GET4: variants seen among roughly 807,000 people sequenced by gnomAD.
GET4 encodes Golgi to ER traffic protein 4 homolog.
GET4 carries 20 observed loss-of-function variants against 40.0 expected under a neutral mutation model. The observed-to-expected ratio is 0.50, with a 90% CI of 0.35 to 0.73. GET4 has a LOEUF of 0.73. GET4 is among the 30% of genes least tolerant of loss of function. The pLI is 0.01. For synonymous variants in GET4, 280 were observed against 194.6 expected (o/e 1.44, Z -3.65); for missense variants, 557 against 454.0 (o/e 1.23, Z -2.06).
chr7:889,525 C>T (rs2128628602), intron 4 of GET4, among the ~76,000 whole-genome samples: 1 of 152,180 alleles, frequency 6.6e-6, no homozygotes, highest in South Asian at 2.1e-4. Flanking sequence ...CTGGAGGCTC[C>T]TGTTGGGCAG....
chr7:882,758 C>A (rs894000467), intron 1 of GET4: 6 of 152,476 alleles, frequency 3.9e-5, no homozygotes, highest in African/African-American at 7.2e-5. Flanking sequence ...GGAGTCATCT[C>A]CCAGGCCAAC....
intron 1 of GET4, among the ~76,000 whole-genome samples, chr7:878,779 C>A (rs1268057772): frequency 2.0e-5 from 3 of 152,156 alleles, no homozygotes; most frequent in Admixed American, 6.5e-5. Context: ...CGGGGTTTCA[C>A]CATGTTGGCC....
intron 6 of GET4, among the ~76,000 whole-genome samples, chr7:893,129 CGTGGT>C (rs1383314106): frequency 9.3e-6 from 1 of 107,982 alleles, no homozygotes; most frequent in East Asian, 3.0e-4. Flanking sequence ...TGGGTGTAGG[CGTGGT>C]GTGTGCAGGT....
chr7:892,274 C>T lies in GET4; in HGVS notation c.606-4C>T, dbSNP rs371246164. 1.0e-4 allele frequency: 164 copies of T among 1,586,114 alleles called. No homozygotes were observed. The highest frequency in any genetic ancestry group is 1.4e-4 in the Non-Finnish European group (157 of 1,156,548). ...TTCCACCACCAGCATGTTCTCATTT[C>T]CAGGTTTCTCTGTTTAAAAAACAAA... is the stretch of plus-strand genomic sequence containing the variant. On this transcript the variant is annotated splice_polypyrimidine_tract_variant and splice_region_variant and intron_variant, in intron 5 of 8. Coordinates refer to ENST00000265857, the MANE Select transcript of GET4 (RefSeq NM_015949.3).
At chr7:883,436 C>G in intron 1 of GET4, 2 of 839,102 alleles carry the variant, frequency 2.4e-6, no homozygotes, top group Non-Finnish European at 2.9e-6. Context: ...GTCTCGGCCA[C>G]TAGTTCTAAT....
intron 1 of GET4, chr7:877,905 C>T (rs1295474210): frequency 1.5e-5 from 2 of 129,428 alleles, no homozygotes; most frequent in Non-Finnish European, 3.2e-5. Flanking sequence ...GGGCCTGCCC[C>T]TTGCCTCCCC....
At chr7:882,279 C>T (rs1844101694) in intron 1 of GET4, 1 of 152,210 alleles carries the variant, frequency 6.6e-6, no homozygotes, top group African/African-American at 2.4e-5. Context: ...AACTAATTTA[C>T]ACTCCCACCA....
At chr7:894,584 C>T (rs889366928) in intron 8 of GET4, among the ~76,000 whole-genome samples, 34 of 152,144 alleles carry the variant, frequency 2.2e-4, no homozygotes, top group Admixed American at 1.4e-3. Flanking sequence ...CACCGTGCCC[C>T]GTGACACAGG....
intron 1 of GET4, chr7:883,802 G>A: frequency 1.0e-6 from 1 of 991,962 alleles, no homozygotes; most frequent in Non-Finnish European, 1.2e-6. Context: ...GAATTCTCCA[G>A]TACAGGAGGA....
intron 1 of GET4, among the ~76,000 whole-genome samples, chr7:877,347 C>G (rs1368087440): frequency 8.0e-6 from 1 of 125,028 alleles, no homozygotes; most frequent in East Asian, 2.5e-4. Flanking sequence ...TCGTCTCTCT[C>G]TCGCCGTCCT....
Position 895,362 on chromosome 7 carries a change from C to T in GET4, c.924C>T (p.Ser308=), listed in dbSNP as rs61997167. 5.1e-4 allele frequency: 810 copies of T among 1,596,690 alleles called. 6 individuals are homozygous for T. In the African/African-American group the frequency reaches 9.7e-3, roughly 19 times the overall value. Residue 308 remains serine, a synonymous_variant, in exon 9 of 9, where the codon TCC becomes TCT. Transcript: ENST00000265857. ...LGNLLTSLMG[S]SEQEDGEESP... is the part of the protein sequence containing the mutation. The stretch of plus-strand genomic sequence containing the variant: ...ACCTTCTGACCAGCCTCATGGGCTC[C>T]TCAGAGCAGGAGGATGGGGAGGAGA...
chr7:891,127 G>A (rs1388387120), intron 5 of GET4, 61 bp downstream of exon 5: 10 of 1,389,542 alleles, frequency 7.2e-6, no homozygotes, highest in Admixed American at 2.1e-5. Context: ...GGCAGCCTTA[G>A]AACAGGTCCC....
At chr7:877,375 C>T (rs1427537309) in intron 1 of GET4, among the ~76,000 whole-genome samples, 3 of 115,840 alleles carry the variant, frequency 2.6e-5, no homozygotes, top group African/African-American at 1.0e-4. Flanking sequence ...CCCCTCGTCT[C>T]TTTCTTCCAG....
chr7:886,992 G>A (rs1472376739), intron 3 of GET4: 2 of 512,270 alleles, frequency 3.9e-6, no homozygotes, highest in Admixed American at 2.9e-5. Flanking sequence ...GTGACGTGCG[G>A]TTGGCAGAGC....
chr7:883,966 G>C (rs1437324067), intron 1 of GET4: 1 of 1,074,000 alleles, frequency 9.3e-7, no homozygotes, highest in Non-Finnish European at 1.1e-6. Context: ...CAGCTGCCCA[G>C]GGAAGAAGGG....
rs116134950 is a variant in GET4 at position 891,327 on chromosome 7, C to T, written c.605+261C>T. ...ACGCCCCTCGCCTCTCGCCCACTGC[C>T]GGGAGGCCCTGTGGTCTCTGCTGTA... On this transcript the variant is annotated intron_variant, in intron 5 of 8. Transcript: ENST00000265857. Among the ~76,000 whole-genome samples, 434 of 152,350 alleles carry T rather than the reference C, an allele frequency of 2.8e-3. 4 individuals are homozygous for T. Among genetic ancestry groups the T allele is most frequent in the African/African-American group, 1.0e-2 (414 of 41,588 alleles).
intron 6 of GET4, among the ~76,000 whole-genome samples, chr7:892,745 GTGCGGGT>G (rs1844357425): frequency 6.6e-6 from 1 of 151,092 alleles, no homozygotes; most frequent in East Asian, 2.0e-4. Context: ...GGGGGGTTGT[GTGCGGGT>G]GTTGGGTATC....
At chr7:878,741 C>G (rs1844020899) in intron 1 of GET4, among the ~76,000 whole-genome samples, 1 of 152,026 alleles carries the variant, frequency 6.6e-6, no homozygotes, top group Non-Finnish European at 1.5e-5. Flanking sequence ...CCACCACCCC[C>G]GGCTAATTTT....
At position 886,672 on chromosome 7, in the gene GET4, C is replaced by T. The variant is rs374062404; in HGVS notation, c.316+22C>T. ...CTGGGTGAGCATCCGGCCCTTCACC[C>T]CGGGACCCTGTGACAGCGGCCCCAG... is the stretch of plus-strand genomic sequence containing the variant. On this transcript the variant is annotated intron_variant, in intron 3 of 8. Coordinates refer to ENST00000265857, the MANE Select transcript of GET4 (RefSeq NM_015949.3). The T allele has an allele frequency of 5.7e-6, 9 of 1,567,252 alleles. No individual in the cohort carries two copies. In the African/African-American group the frequency reaches 8.2e-5, roughly 14 times the overall value.
Sources: allele counts gnomAD v4.1 joint callset (sites outside exome capture counted in the v4.1 genomes callset), GRCh38; gene constraint gnomAD v4.1.1; transcripts MANE v1.5; gene names NCBI Gene and HGNC (gene_info 2026-07-23, HGNC 2026-07-21).